Variants in FGD6 observed in about 807,000 individuals in gnomAD.
The protein encoded by FGD6 is FYVE, RhoGEF and PH domain containing 6, also known as FYVE, RhoGEF and PH domain-containing protein 6.
FGD6 carries 90 observed loss-of-function variants against 149.4 expected under a neutral mutation model. That is an observed-to-expected ratio of 0.60 (90% CI 0.51 to 0.72). The LOEUF is 0.72. FGD6 is among the 30% of genes least tolerant of loss of function. FGD6 has a pLI of 0.00. For synonymous variants in FGD6, 527 were observed against 584.0 expected (o/e 0.90, Z 1.41); for missense variants, 1,437 against 1,684.8 (o/e 0.85, Z 2.57).
intron 9 of FGD6, among the ~76,000 whole-genome samples, chr12:95,112,051 T>C (rs1335048282): frequency 6.6e-6 from 1 of 151,494 alleles, no homozygotes; most frequent in East Asian, 2.0e-4. Flanking sequence ...CTGGGCAAGA[T>C]AGTGAAACCC....
At chr12:95,126,532 C>G (rs186283588) in intron 8 of FGD6, 2 of 451,436 alleles carry the variant, frequency 4.4e-6, no homozygotes, top group Admixed American at 4.2e-5. Flanking sequence ...AGTTTGAGAA[C>G]AGCCTGGCCA....
intron 8 of FGD6, among the ~76,000 whole-genome samples, chr12:95,117,862 T>C (rs779828750): frequency 1.3e-5 from 2 of 151,844 alleles, no homozygotes; most frequent in Non-Finnish European, 2.9e-5. Flanking sequence ...GCCAACATGG[T>C]GAAACCCTGT....
chr12:95,154,912 C>CT (rs1880422677), intron 3 of FGD6, among the ~76,000 whole-genome samples: 1 of 150,086 alleles, frequency 6.7e-6, no homozygotes, highest in South Asian at 2.1e-4. Context: ...GATCACATGA[C>CT]TATGTTAGTT....
At chr12:95,130,141 C>T (rs1879477501) in intron 8 of FGD6, among the ~76,000 whole-genome samples, 1 of 151,722 alleles carries the variant, frequency 6.6e-6, no homozygotes, top group Non-Finnish European at 1.5e-5. Flanking sequence ...ATAGAATACC[C>T]TATAGAAACC....
intron 9 of FGD6, among the ~76,000 whole-genome samples, chr12:95,109,418 G>T (rs1432297739): frequency 3.3e-5 from 5 of 152,116 alleles, no homozygotes; most frequent in African/African-American, 1.2e-4. Context: ...CAAACTCCAT[G>T]CAATACTCCT....
chr12:95,187,652 C>G (rs1351782614), intron 2 of FGD6, among the ~76,000 whole-genome samples: 1 of 106,688 alleles, frequency 9.4e-6, no homozygotes, highest in Admixed American at 9.7e-5. Flanking sequence ...GCTGCGTCCC[C>G]AAAAAAAAAA....
intron 14 of FGD6, among the ~76,000 whole-genome samples, chr12:95,103,893 T>C (rs1457841323): frequency 6.6e-6 from 1 of 152,192 alleles, no homozygotes; most frequent in Non-Finnish European, 1.5e-5. Flanking sequence ...GTGTCAAATA[T>C]GTATCCGTAA....
chr12:95,093,782 G>A (rs1878146927), intron 15 of FGD6, among the ~76,000 whole-genome samples: 1 of 151,892 alleles, frequency 6.6e-6, no homozygotes, highest in African/African-American at 2.4e-5. Flanking sequence ...CTGGGAGGCA[G>A]AGGTTGCAGT....
chr12:95,092,310 A>T (rs1047543988), intron 16 of FGD6, among the ~76,000 whole-genome samples: 2 of 152,224 alleles, frequency 1.3e-5, no homozygotes, highest in African/African-American at 4.8e-5. Context: ...AAGGCTTAGA[A>T]ACATCACTAG....
At chr12:95,102,077 G>T (rs59245695) in intron 14 of FGD6, among the ~76,000 whole-genome samples, 110,583 of 151,102 alleles carry the variant, frequency 0.73, 40,648 homozygotes, top group African/African-American at 0.78. Flanking sequence ...AGGCTGAGTG[G>T]GGGTGGATCA....
intron 3 of FGD6, among the ~76,000 whole-genome samples, chr12:95,167,890 G>T (rs1033157307): frequency 6.6e-6 from 1 of 151,912 alleles, no homozygotes; most frequent in East Asian, 1.9e-4. Flanking sequence ...ACCGCACTGG[G>T]CCTGAGTTGT....
intron 7 of FGD6, among the ~76,000 whole-genome samples, chr12:95,136,135 G>A (rs951144291): frequency 6.6e-6 from 1 of 152,068 alleles, no homozygotes; most frequent in African/African-American, 2.4e-5. Flanking sequence ...CAAGGTGGGT[G>A]GATCATGAGA....
intron 3 of FGD6, among the ~76,000 whole-genome samples, chr12:95,171,358 T>C (rs1200762167): frequency 6.6e-6 from 1 of 152,222 alleles, no homozygotes; most frequent in Non-Finnish European, 1.5e-5. Context: ...TGCTATGCTA[T>C]GTGGATCTTT....
chr12:95,180,859 G>T (rs1208171251), intron 2 of FGD6, among the ~76,000 whole-genome samples: 1 of 151,870 alleles, frequency 6.6e-6, no homozygotes, highest in African/African-American at 2.4e-5. Flanking sequence ...ATTTTTATAT[G>T]TATATAAACT....
rs59414022 is a variant in FGD6, at chr12:95,202,390, A to AAAAAT, written c.2441+6448_2441+6452dup. Among the ~76,000 whole-genome samples, 1,093 of 141,786 alleles carry AAAAAT rather than the reference A, an allele frequency of 7.7e-3. 12 individuals carry two copies. The highest frequency in any genetic ancestry group is 0.012 in the East Asian group (59 of 4,896). 93.0% of individuals were successfully genotyped at this position (141,786 alleles called of 152,430 possible). ...CGACACAGTGAGACTCCATTTCCCA[A>AAAAAT]AAAATAAAATAAAATAAAATAAAAT... On this transcript the variant is annotated intron_variant, in intron 2 of 20. Coordinates refer to ENST00000343958, the MANE Select transcript of FGD6 (RefSeq NM_018351.4).
intron 2 of FGD6, among the ~76,000 whole-genome samples, chr12:95,204,772 A>C (rs904547156): frequency 6.6e-6 from 1 of 152,146 alleles, no homozygotes; most frequent in Admixed American, 6.5e-5. Flanking sequence ...GGGTAGGGAG[A>C]GGAGTGGAGG....
intron 3 of FGD6, among the ~76,000 whole-genome samples, chr12:95,171,552 G>A (rs1880987214): frequency 6.6e-6 from 1 of 152,160 alleles, no homozygotes; most frequent in Non-Finnish European, 1.5e-5. Flanking sequence ...GTCTCACTCT[G>A]TCACCCAGGC....
chr12:95,149,584 A>C (rs1410965019), intron 5 of FGD6, among the ~76,000 whole-genome samples: 1 of 141,708 alleles, frequency 7.1e-6, no homozygotes, highest in Non-Finnish European at 1.5e-5. Flanking sequence ...CCTTGAGCCT[A>C]GAAGTTCAAA....
At chr12:95,160,799 G>T (rs1429749336) in intron 3 of FGD6, among the ~76,000 whole-genome samples, 1 of 152,164 alleles carries the variant, frequency 6.6e-6, no homozygotes, top group Non-Finnish European at 1.5e-5. Context: ...AGGAGGCAGA[G>T]GTTGCTGTGA....
Sources: allele counts gnomAD v4.1 joint callset (sites outside exome capture counted in the v4.1 genomes callset), GRCh38; gene constraint gnomAD v4.1.1; transcripts MANE v1.5; gene names NCBI Gene and HGNC (gene_info 2026-07-23, HGNC 2026-07-21).